Variants in WDR24 observed in about 807,000 individuals in gnomAD.
WDR24 encodes WD repeat domain 24.
A neutral mutation model predicts 66.7 loss-of-function variants in WDR24; 32 were observed. The observed-to-expected ratio is 0.48, with a 90% CI of 0.36 to 0.64. The LOEUF (loss-of-function observed/expected upper bound fraction) is 0.64. WDR24 is among the 30% of genes least tolerant of loss of function. The pLI is 0.00. For missense variants in WDR24, 978 were observed against 1,144.1 expected (o/e 0.85, Z 2.09); for synonymous variants, 565 against 469.1 (o/e 1.20, Z -2.64).
At position 689,212 on chromosome 16, in the gene WDR24, G is replaced by A. The variant is rs143468310; in HGVS notation, c.429C>T (p.Gly143=). 160 of 1,613,892 alleles carry A rather than the reference G, an allele frequency of 9.9e-5. No individual in the cohort carries two copies. In the African/African-American group the frequency reaches 2.0e-3, roughly 20 times the overall value. The change falls in exon 1 of 9, where the codon GGC becomes GGT. Residue 143 remains glycine (G), a synonymous_variant. Coordinates refer to ENST00000293883, the MANE Select transcript of WDR24 (RefSeq NM_032259.4). ...TGCGGAGGTCAAAGCACTTCATGAA[G>A]CCATCCTGGGAGCCACTGAGCAGCA... ...AHVLLSGSQD[G]FMKCFDLRRK... is the part of the protein sequence containing the mutation.
chr16:686,063 T>C lies in WDR24; in HGVS notation c.1451+5A>G, dbSNP rs76718806. ...CCCCTGGGGAGAGCTGCCCCCGGCA[T>C]CTACCTGTTCATGAGCGGGAGGCCA... On this transcript the variant is annotated splice_donor_5th_base_variant and intron_variant, in intron 4 of 8. Transcript: ENST00000293883. 2 of 1,612,858 alleles carry C rather than the reference T, an allele frequency of 1.2e-6. No individual in the cohort carries two copies. Among genetic ancestry groups the C allele is most frequent in the East Asian group, 4.5e-5 (2 of 44,872 alleles).
Position 685,269 on chromosome 16 carries a change from G to A in WDR24, c.2007C>T (p.Asp669=). The part of the protein sequence containing the change: ...VLGERVRKDI[D]EQTQEHWYTS... ...GCCCACCACACACCTGGGTCTGCTC[G>A]TCGATGTCCTTGCGCACCCGTTCAC... Residue 669 remains aspartate, a synonymous_variant, in exon 7 of 9, where the codon GAC becomes GAT. Coordinates refer to ENST00000293883, the MANE Select transcript of WDR24 (RefSeq NM_032259.4). 6.3e-7 allele frequency: 1 copy of A among 1,593,944 alleles called. No homozygotes were observed. Among genetic ancestry groups the A allele is most frequent in the Non-Finnish European group, 8.5e-7 (1 of 1,170,134 alleles).
In WDR24 at chr16:685,724, C is replaced by T; in HGVS notation, c.1633G>A (p.Gly545Ser). 1 of 1,613,306 alleles carries T rather than the reference C, an allele frequency of 6.2e-7. No homozygotes were observed. The highest frequency in any genetic ancestry group is 8.5e-7 in the Non-Finnish European group (1 of 1,180,014). ...PADYLLGDVE[G>S]EEDELYLLDP... ...AGCAGGTACAGCTCGTCCTCCTCAC[C>T]TTCCACGTCACCCAGCAGGTAGTCG... is the stretch of plus-strand genomic sequence containing the variant. The change falls in exon 6 of 9, where the codon GGT (glycine) becomes AGT (serine). Residue 545 changes from glycine to serine, a missense_variant. By Grantham distance (56) the Gly-to-Ser change is moderately conservative. Transcript: ENST00000293883.
chr16:688,944 C>G (rs1435729260), intron 1 of WDR24: 5 of 693,042 alleles, frequency 7.2e-6, no homozygotes, highest in Admixed American at 6.1e-5. Context: ...TTCTGCTGGT[C>G]TCATCTCTTG....
chr16:688,036 C>T (rs1453784569), intron 1 of WDR24: 21 of 563,886 alleles, frequency 3.7e-5, no homozygotes, highest in East Asian at 1.7e-4. Context: ...CCTCAGGATG[C>T]GGCAGCTGAG....
In WDR24 at chr16:687,165, G is replaced by A. The variant is rs1257226606; in HGVS notation, c.911C>T (p.Ala304Val). Reference protein sequence around the residue: ...EEHRDVTTGIAWRHPHDPSFL... With the variant: ...EEHRDVTTGIVWRHPHDPSFL... Reference sequence around the variant, plus strand: ...GGAGGGGTCGTGGGGGTGGCGCCAGGCAATTCCCGTGGTGACGTCTCGGTG... The same window carrying A: ...GGAGGGGTCGTGGGGGTGGCGCCAGACAATTCCCGTGGTGACGTCTCGGTG... Residue 304 changes from alanine (A) to valine (V), a missense_variant, in exon 3 of 9, where the codon GCC becomes GTC. By Grantham distance (64) the Ala-to-Val change is moderately conservative (BLOSUM62 0). Around this residue, in one of 2 missense-constraint regions of WDR24, gnomAD observed 302 missense variants for 526.6 expected, o/e 0.57. Transcript: ENST00000293883. 1 of 1,612,650 alleles carries A rather than the reference G, an allele frequency of 6.2e-7. No homozygotes were observed. Among genetic ancestry groups the A allele is most frequent in the Admixed American group, 1.7e-5 (1 of 60,026 alleles).
rs755118567 is a variant in WDR24 at position 685,734 on chromosome 16, A to G, written c.1623T>C (p.Gly541=). 2 of 1,613,024 alleles carry G rather than the reference A, an allele frequency of 1.2e-6. No individual in the cohort carries two copies. The highest frequency in any genetic ancestry group is 4.5e-5 in the East Asian group (2 of 44,858). ...GSDVPADYLL[G]DVEGEEDELY... ...GCTCGTCCTCCTCACCTTCCACGTCACCCAGCAGGTAGTCGGCAGGTACGT... is the reference window on the plus strand; with the variant it reads ...GCTCGTCCTCCTCACCTTCCACGTCGCCCAGCAGGTAGTCGGCAGGTACGT... Residue 541 remains glycine, a synonymous_variant, in exon 6 of 9, where the codon GGT becomes GGC. Transcript: ENST00000293883.
At position 684,652 on chromosome 16, in the gene WDR24, G is replaced by C; in HGVS notation, c.*82C>G. 1 of 1,468,942 alleles carries C rather than the reference G, an allele frequency of 6.8e-7. No homozygotes were observed. The highest frequency in any genetic ancestry group is 9.0e-7 in the Non-Finnish European group (1 of 1,111,714). The allele number at this position is 1,468,942 out of a possible 1,614,324, so 91.0% of individuals were successfully genotyped here. A position where few individuals can be genotyped will look rare whatever the true frequency, so the allele number is the denominator to read the frequency against. On this transcript the variant is annotated 3_prime_UTR_variant, in exon 9 of 9. Transcript: ENST00000293883. Reference sequence around the variant, plus strand: ...TCTACTTCCTTTATTGAGGTCTCAAGTTCCAGCCTCCGCCCGTCTCGGGCA... The same window carrying C: ...TCTACTTCCTTTATTGAGGTCTCAACTTCCAGCCTCCGCCCGTCTCGGGCA...
rs369281013 is a variant in WDR24, at chr16:685,012, G to A, written c.2184C>T (p.Ser728=). 3.9e-5 allele frequency: 60 copies of A among 1,551,702 alleles called. No individual in the cohort carries two copies. The highest frequency in any genetic ancestry group is 5.0e-5 in the Non-Finnish European group (58 of 1,150,550). The change falls in exon 8 of 9, where the codon AGC becomes AGT. Residue 728 remains serine, a synonymous_variant. Transcript: ENST00000293883. ...CCCACCTGTCGCAGACCCAGCCCCG[G>A]CTGCTCATGGGCCGCTTGCAGTGGC... ...NCSHCKRPMS[S]RGWVCDRCHR... is the part of the protein sequence containing the mutation.
chr16:686,633 C>T, intron 3 of WDR24, 111 bp downstream of exon 3: 2 of 1,343,808 alleles, frequency 1.5e-6, no homozygotes, highest in Non-Finnish European at 2.0e-6. Flanking sequence ...GTTGGTGCGA[C>T]TGGCTGGAGT....
rs772108403 is a variant in WDR24, at chr16:685,218, G to A, written c.2019+39C>T. 7 of 1,597,268 alleles carry A rather than the reference G, an allele frequency of 4.4e-6. No individual in the cohort carries two copies. In the South Asian group the frequency reaches 4.4e-5, roughly 10 times the overall value. On this transcript the variant is annotated intron_variant, in intron 7 of 8. Coordinates refer to ENST00000293883, the MANE Select transcript of WDR24 (RefSeq NM_032259.4). ...CCGGCAGTCAGGATCTGGGTGCCAG[G>A]GGCGGCGCTGCAGGGGGGAGGCCCC...
In WDR24 at chr16:685,407, G is replaced by A; in HGVS notation, c.1869C>T (p.Leu623=). The change falls in exon 7 of 9, where the codon CTC becomes CTT. Residue 623 remains leucine, a synonymous_variant. Coordinates refer to ENST00000293883, the MANE Select transcript of WDR24 (RefSeq NM_032259.4). ...SFSLLSVSHA[L]YDSRLPPDFF... is the part of the protein sequence containing the mutation. ...AGTCGGGCGGCAGGCGGCTGTCGTA[G>A]AGCGCGTGTGAGACAGACAGGAGCG... 1 of 1,612,556 alleles carries A rather than the reference G, an allele frequency of 6.2e-7. No homozygotes were observed. Among genetic ancestry groups the A allele is most frequent in the Non-Finnish European group, 8.5e-7 (1 of 1,179,776 alleles).
intron 1 of WDR24, chr16:688,022 G>A: frequency 1.7e-6 from 1 of 593,656 alleles, no homozygotes; most frequent in Non-Finnish European, 3.2e-6. Flanking sequence ...AAGCTGTGGT[G>A]CAGCCTCAGG....
rs1355290909 is a variant in WDR24, at chr16:690,391, CG to C, written c.-752del. Reference sequence around the variant, plus strand: ...GCACGGTTGTCCGGAACCGCCGCGCCGGAAGCCGCTGTCTTTCCCGTCCCTC... The same window carrying C: ...GCACGGTTGTCCGGAACCGCCGCGCCGAAGCCGCTGTCTTTCCCGTCCCTC... On this transcript the variant is annotated 5_prime_UTR_variant, in exon 1 of 9. Coordinates refer to ENST00000293883, the MANE Select transcript of WDR24 (RefSeq NM_032259.4). 4.6e-5 allele frequency: 21 copies of C among 456,708 alleles called. No individual in the cohort carries two copies. The highest frequency in any genetic ancestry group is 3.6e-4 in the African/African-American group (18 of 50,208). The allele number at this position is 456,708 out of a possible 1,614,324, so 28.3% of individuals were successfully genotyped here. A position where few individuals can be genotyped will look rare whatever the true frequency, so the allele number is the denominator to read the frequency against.
Position 687,751 on chromosome 16 carries a change from A to T in WDR24, c.482-12T>A. On this transcript the variant is annotated splice_polypyrimidine_tract_variant and intron_variant, in intron 1 of 8. Transcript: ENST00000293883. ...GCTCTCCGACTGGCCTGCAGGCAGG[A>T]GGTCGATGCAGGGGAAGTGACGGGG... 6.2e-7 allele frequency: 1 copy of T among 1,610,860 alleles called. No individual in the cohort carries two copies. Among genetic ancestry groups the T allele is most frequent in the South Asian group, 1.1e-5 (1 of 90,624 alleles).
intron 2 of WDR24, 29 bp downstream of exon 2, chr16:687,533 C>A: frequency 6.2e-7 from 1 of 1,606,806 alleles, no homozygotes; most frequent in South Asian, 1.1e-5. Context: ...TTACTGTCAA[C>A]CTACTGCCCC....
Position 689,250 on chromosome 16 carries a change from T to A in WDR24, c.391A>T (p.Thr131Ser). The A allele has an allele frequency of 6.2e-7, 1 of 1,613,872 alleles. No individual in the cohort carries two copies. Among genetic ancestry groups the A allele is most frequent in the Admixed American group, 1.7e-5 (1 of 60,006 alleles). The change falls in exon 1 of 9, where the codon ACC becomes TCC. Residue 131 changes from threonine (T) to serine (S), a missense_variant. Coordinates refer to ENST00000293883, the MANE Select transcript of WDR24 (RefSeq NM_032259.4). The stretch of plus-strand genomic sequence containing the variant: ...CCACTGAGCAGCACGTGGGCTTCGG[T>A]GGGGTGGAAGCAGACTTTGTTTACC... ...RTVNKVCFHP[T>S]EAHVLLSGSQ...
In WDR24 at chr16:689,664, G is replaced by T; in HGVS notation, c.-24C>A. 6.2e-7 allele frequency: 1 copy of T among 1,606,182 alleles called. No individual in the cohort carries two copies. The stretch of plus-strand genomic sequence containing the variant: ...ATGGCTGCACAGGTGATGAGGTCAG[G>T]GGTCAGGAGGTCAGTGAGGTGGGCT... On this transcript the variant is annotated 5_prime_UTR_variant, in exon 1 of 9. Coordinates refer to ENST00000293883, the MANE Select transcript of WDR24 (RefSeq NM_032259.4).
chr16:686,323 G>A (rs886390067), intron 3 of WDR24, 137 bp from the exon 4 acceptor site: 2 of 985,678 alleles, frequency 2.0e-6, no homozygotes, highest in Non-Finnish European at 1.5e-6. Flanking sequence ...CCCCAGGTAG[G>A]AAAGCTGAGG....
Sources: gnomAD v4.1 joint callset for allele counts on GRCh38, gnomAD v4.1.1 for gene constraint, gnomAD v4.1.1 regional missense constraint, MANE v1.5 for transcripts, NCBI Gene and HGNC (gene_info 2026-07-23, HGNC 2026-07-21) for gene names.